The following GPBP1 variants were observed in gnomAD, a reference collection of about 807,000 sequenced individuals.
The protein encoded by GPBP1 is vasculin.
A neutral mutation model predicts 56.5 loss-of-function variants in GPBP1; 13 were observed. The ratio of observed to expected loss-of-function variants is 0.23; its 90% CI spans 0.15 to 0.37. GPBP1 has a LOEUF of 0.37. Ranked by LOEUF, GPBP1 falls within the 10% of genes least tolerant of loss-of-function variation. The pLI is 1.00. For synonymous variants in GPBP1, 204 were observed against 188.9 expected (o/e 1.08, Z -0.66); for missense variants, 477 against 572.3 (o/e 0.83, Z 1.70).
At chr5:57,254,270 TC>T (rs1741536073) in intron 10 of GPBP1, among the ~76,000 whole-genome samples, 1 of 152,206 alleles carries the variant, frequency 6.6e-6, no homozygotes, top group African/African-American at 2.4e-5. Flanking sequence ...TCAGAATAAA[TC>T]TTTATCTTTC....
At chr5:57,257,092 G>A (rs1051352013) in intron 10 of GPBP1, among the ~76,000 whole-genome samples, 2 of 151,464 alleles carry the variant, frequency 1.3e-5, no homozygotes, top group African/African-American at 4.9e-5. Flanking sequence ...GGAGTACCGT[G>A]GTGTGACCTC....
In GPBP1 at chr5:57,246,368, T is replaced by C. The variant is rs1414256149; in HGVS notation, c.547T>C (p.Leu183=). Residue 183 remains leucine, a synonymous_variant, in exon 7 of 12, where the codon TTA becomes CTA. Transcript: ENST00000506184. The part of the protein sequence containing the change: ...LVIKKGNTKD[L]QLSGFPVVGN... ...CATTAAGAAAGGTAATACAAAAGACTTACAGCTATCTGGATTCCCAGTAGT... is the reference window on the plus strand; with the variant it reads ...CATTAAGAAAGGTAATACAAAAGACCTACAGCTATCTGGATTCCCAGTAGT... 1.2e-6 allele frequency: 2 copies of C among 1,613,684 alleles called. No individual in the cohort carries two copies. The highest frequency in any genetic ancestry group is 1.3e-5 in the African/African-American group (1 of 74,904).
At chr5:57,216,000 C>G (rs1284037861) in intron 3 of GPBP1, among the ~76,000 whole-genome samples, 1 of 152,154 alleles carries the variant, frequency 6.6e-6, no homozygotes, top group Non-Finnish European at 1.5e-5. Context: ...AGTCATTACT[C>G]CACGCGCTAG....
intron 2 of GPBP1, among the ~76,000 whole-genome samples, chr5:57,206,113 G>T (rs1388994876): frequency 2.0e-5 from 3 of 152,084 alleles, no homozygotes; most frequent in Admixed American, 2.0e-4. Context: ...TGAGTTGTAA[G>T]AGTTCTTTAT....
intron 2 of GPBP1, among the ~76,000 whole-genome samples, chr5:57,198,877 G>A (rs1561332301): frequency 6.6e-6 from 1 of 151,932 alleles, no homozygotes; most frequent in Non-Finnish European, 1.5e-5. Flanking sequence ...TTCACATTTT[G>A]TTTTTTTCCA....
At chr5:57,240,640 A>G (rs976891633) in intron 6 of GPBP1, among the ~76,000 whole-genome samples, 1 of 152,178 alleles carries the variant, frequency 6.6e-6, no homozygotes, top group South Asian at 2.1e-4. Context: ...GAATTTATTC[A>G]TCTGTGAGGT....
At position 57,261,881 on chromosome 5, in the gene GPBP1, C is replaced by T. The variant is rs546256518; in HGVS notation, c.1263+599C>T. 1.3e-4 allele frequency among the ~76,000 whole-genome samples: 19 copies of T among 151,896 alleles called. No individual in the cohort carries two copies. In the South Asian group the frequency reaches 3.3e-3, roughly 27 times the overall value. On this transcript the variant is annotated intron_variant, in intron 11 of 11. Transcript: ENST00000506184. ...GAAGTTGAGATGCTTTTTTTCAAAT[C>T]GATTATTTGTTTATTTAAAGAGTTG...
At chr5:57,187,128 G>A (rs1479300944) in intron 2 of GPBP1, among the ~76,000 whole-genome samples, 2 of 151,136 alleles carry the variant, frequency 1.3e-5, no homozygotes, top group Non-Finnish European at 2.9e-5. Context: ...TTTAACATTG[G>A]ATGTCTTACA....
chr5:57,195,530 T>C (rs1004917610), intron 2 of GPBP1, among the ~76,000 whole-genome samples: 10 of 152,140 alleles, frequency 6.6e-5, no homozygotes, highest in Non-Finnish European at 1.2e-4. Flanking sequence ...AAGCCTATTT[T>C]GTTGTAGTTA....
intron 5 of GPBP1, 58 bp from the exon 6 acceptor site, chr5:57,235,908 A>G: frequency 8.2e-7 from 1 of 1,212,500 alleles, no homozygotes; most frequent in Non-Finnish European, 1.2e-6. Context: ...TGATTCTGAG[A>G]TTGGTTTTAA....
intron 2 of GPBP1, among the ~76,000 whole-genome samples, chr5:57,195,933 G>A (rs1188483518): frequency 1.5e-5 from 2 of 134,658 alleles, no homozygotes; most frequent in East Asian, 4.1e-4. Flanking sequence ...AACTAGAGAG[G>A]CGGAGATTGT....
intron 2 of GPBP1, among the ~76,000 whole-genome samples, chr5:57,185,678 G>A (rs1020244336): frequency 6.6e-6 from 1 of 151,910 alleles, no homozygotes; most frequent in East Asian, 1.9e-4. Context: ...TTGGTGAAGT[G>A]TCTGTTCAAA....
intron 2 of GPBP1, among the ~76,000 whole-genome samples, chr5:57,208,416 T>C (rs759427721): frequency 1.3e-5 from 2 of 151,920 alleles, no homozygotes; most frequent in Non-Finnish European, 2.9e-5. Context: ...TTATTTTTAG[T>C]AGGGACGGGG....
At chr5:57,230,724 A>G in intron 3 of GPBP1, 122 bp from the exon 4 acceptor site, 1 of 814,964 alleles carries the variant, frequency 1.2e-6, no homozygotes, top group Non-Finnish European at 2.0e-6. Context: ...CCTTGAAAAT[A>G]ACTGCAATAT....
At chr5:57,257,922 A>G (rs1293176439) in intron 10 of GPBP1, among the ~76,000 whole-genome samples, 1 of 152,192 alleles carries the variant, frequency 6.6e-6, no homozygotes, top group African/African-American at 2.4e-5. Flanking sequence ...CAAGCAGGCA[A>G]TTTACTCACT....
chr5:57,211,744 C>T (rs184569791), intron 2 of GPBP1, among the ~76,000 whole-genome samples: 142 of 151,798 alleles, frequency 9.4e-4, no homozygotes, highest in African/African-American at 2.4e-3. Context: ...CCACCACGCC[C>T]GGCTAATTTT....
intron 10 of GPBP1, among the ~76,000 whole-genome samples, chr5:57,251,858 A>G (rs184709537): frequency 1.2e-3 from 181 of 152,200 alleles, no homozygotes; most frequent in African/African-American, 4.0e-3. Flanking sequence ...GGTACCATCT[A>G]TCTTTGATTA....
chr5:57,223,440 A>G (rs1270787653), intron 3 of GPBP1, among the ~76,000 whole-genome samples: 1 of 152,078 alleles, frequency 6.6e-6, no homozygotes, highest in African/African-American at 2.4e-5. Context: ...ATTAGCTCCA[A>G]TTCTTGGTGC....
intron 2 of GPBP1, among the ~76,000 whole-genome samples, chr5:57,189,861 G>T (rs1391055749): frequency 6.6e-6 from 1 of 151,922 alleles, no homozygotes; most frequent in Non-Finnish European, 1.5e-5. Context: ...CTTTATATTT[G>T]TTCCCTCTTC....
Sources: allele counts gnomAD v4.1 joint callset (sites outside exome capture counted in the v4.1 genomes callset), GRCh38; gene constraint gnomAD v4.1.1; transcripts MANE v1.5; gene names NCBI Gene and HGNC (gene_info 2026-07-23, HGNC 2026-07-21).